Variants in PTPRD observed in about 807,000 individuals in gnomAD.
PTPRD encodes the protein protein tyrosine phosphatase receptor type D, also known as receptor-type tyrosine-protein phosphatase delta.
Under a neutral mutation model 214.5 loss-of-function variants are expected in PTPRD, and 34 were observed. The ratio of observed to expected loss-of-function variants is 0.16; its 90% CI spans 0.12 to 0.21. The LOEUF is 0.21. PTPRD is among the 10% of genes least tolerant of loss of function. The pLI is 1.00. For missense variants in PTPRD, 2,545 were observed against 2,398.7 expected (o/e 1.06, Z -1.27); for synonymous variants, 1,128 against 845.7 (o/e 1.33, Z -5.79).
intron 8 of PTPRD, among the ~76,000 whole-genome samples, chr9:9,524,475 G>A (rs1158793107): frequency 1.3e-5 from 2 of 151,930 alleles, no homozygotes; most frequent in African/African-American, 4.8e-5. Flanking sequence ...CCGTACGTTC[G>A]TGTACTCTAT....
rs1040887573 is a variant in PTPRD at position 10,296,806 on chromosome 9, A to T, written c.-545+44157T>A. ...ATGGTTTTCACTGTCATTGCTTCTG[A>T]GGTAGCAAAAATAAATATAATGACG... is the stretch of plus-strand genomic sequence containing the variant. On this transcript the variant is annotated intron_variant, in intron 3 of 45. Transcript: ENST00000381196. Among the ~76,000 whole-genome samples, 7 of 152,134 alleles carry T rather than the reference A, an allele frequency of 4.6e-5. No homozygotes were observed. The East Asian group carries it at 1.2e-3, about 25-fold the overall frequency.
At chr9:8,321,487 G>GTATATATATATATATATATATA (rs750825729) in intron 44 of PTPRD, among the ~76,000 whole-genome samples, 19 of 44,548 alleles carry the variant, frequency 4.3e-4, no homozygotes, top group Non-Finnish European at 6.2e-4. Flanking sequence ...GTGTGTGTGT[G>GTATATATATATATATATATATA]TATATATATA....
intron 11 of PTPRD, among the ~76,000 whole-genome samples, chr9:8,937,313 T>G (rs1167288332): frequency 6.6e-6 from 1 of 152,198 alleles, no homozygotes; most frequent in Non-Finnish European, 1.5e-5. Flanking sequence ...GAGAAATGTT[T>G]AATTTCACAT....
chr9:9,961,515 A>C (rs924888430), intron 4 of PTPRD, among the ~76,000 whole-genome samples: 2 of 152,154 alleles, frequency 1.3e-5, no homozygotes, highest in Admixed American at 6.6e-5. Context: ...AAATTCATTC[A>C]AGGACCGTTA....
intron 3 of PTPRD, among the ~76,000 whole-genome samples, chr9:10,071,633 A>G (rs2098019187): frequency 1.3e-5 from 2 of 152,094 alleles, no homozygotes; most frequent in African/African-American, 4.8e-5. Flanking sequence ...AAATTAACTC[A>G]AACAAGGATT....
intron 4 of PTPRD, among the ~76,000 whole-genome samples, chr9:9,956,960 C>A (rs998853032): frequency 6.6e-6 from 1 of 152,066 alleles, no homozygotes; most frequent in Non-Finnish European, 1.5e-5. Context: ...CAAAAAAAAT[C>A]AGTGCCCGTA....
intron 7 of PTPRD, among the ~76,000 whole-genome samples, chr9:9,591,428 G>C (rs1227260999): frequency 6.6e-6 from 1 of 151,942 alleles, no homozygotes; most frequent in Non-Finnish European, 1.5e-5. Flanking sequence ...CTCCAGGGAG[G>C]AACACAACAC....
intron 9 of PTPRD, among the ~76,000 whole-genome samples, chr9:9,308,459 T>C (rs142562942): frequency 3.3e-5 from 5 of 152,314 alleles, no homozygotes; most frequent in East Asian, 1.9e-4. Flanking sequence ...ATGTTACTTA[T>C]TGAAGCATCA....
intron 3 of PTPRD, among the ~76,000 whole-genome samples, chr9:10,310,449 A>C (rs1364486989): frequency 6.6e-6 from 1 of 152,098 alleles, no homozygotes; most frequent in Non-Finnish European, 1.5e-5. Context: ...ATAAAGAAGC[A>C]CAAAATCTAG....
At chr9:8,497,003 C>G (rs1331715931) in intron 26 of PTPRD, among the ~76,000 whole-genome samples, 5 of 152,134 alleles carry the variant, frequency 3.3e-5, no homozygotes, top group Non-Finnish European at 7.4e-5. Context: ...TTAGTAGCAG[C>G]CATCAAAACA....
chr9:10,204,571 C>A (rs1030085398), intron 3 of PTPRD, among the ~76,000 whole-genome samples: 13 of 152,040 alleles, frequency 8.6e-5, no homozygotes, highest in Middle Eastern at 3.4e-3. Context: ...AAGAACATAT[C>A]ATTTGTTCTG....
chr9:9,578,495 G>A (rs558122314), intron 7 of PTPRD, among the ~76,000 whole-genome samples: 95 of 151,934 alleles, frequency 6.3e-4, no homozygotes, highest in African/African-American at 2.3e-3. Context: ...GGAGGGAGAG[G>A]AAATTGAATA....
intron 9 of PTPRD, among the ~76,000 whole-genome samples, chr9:9,260,223 T>G (rs1052704725): frequency 3.9e-5 from 6 of 151,950 alleles, no homozygotes; most frequent in Admixed American, 2.6e-4. Context: ...AACACTGGGC[T>G]GAATAAAAGC....
rs142338438 is a variant in PTPRD, at chr9:9,860,050, T to C, written c.-368+78457A>G. ...TTCTCCTGCATTATTTAAAAATAAC[T>C]GTTTAGTAACATATATGCACACAAT... is the stretch of plus-strand genomic sequence containing the variant. On this transcript the variant is annotated intron_variant, in intron 5 of 45. Coordinates refer to ENST00000381196, the MANE Select transcript of PTPRD (RefSeq NM_002839.4). 2.8e-4 allele frequency among the ~76,000 whole-genome samples: 43 copies of C among 152,372 alleles called. No homozygotes were observed. The East Asian group carries it at 7.9e-3, about 28-fold the overall frequency.
chr9:8,478,136 T>C (rs1344468890), intron 30 of PTPRD, among the ~76,000 whole-genome samples: 1 of 152,224 alleles, frequency 6.6e-6, no homozygotes, highest in Non-Finnish European at 1.5e-5. Flanking sequence ...TTTACTCATA[T>C]GTAAATTAGA....
chr9:9,066,458 CTTAG>C (rs2099734517), intron 10 of PTPRD, among the ~76,000 whole-genome samples: 1 of 152,012 alleles, frequency 6.6e-6, no homozygotes, highest in South Asian at 2.1e-4. Flanking sequence ...AATAAAATTT[CTTAG>C]TTATTTAGTA....
Position 10,550,735 on chromosome 9 carries a change from G to T in PTPRD, c.-600+61663C>A, listed in dbSNP as rs1248408536. Among the ~76,000 whole-genome samples the T allele has an allele frequency of 3.3e-5, 5 of 152,138 alleles. No homozygotes were observed. In the East Asian group the frequency reaches 9.6e-4, roughly 29 times the overall value. ...ATACCCCATGATATGTGCTTCAGGT[G>T]GGATGCTGGAAAGATGCAAAGAACT... On this transcript the variant is annotated intron_variant, in intron 2 of 45. Transcript: ENST00000381196.
At position 9,167,243 on chromosome 9, in the gene PTPRD, C is replaced by G. The variant is rs557543216; in HGVS notation, c.-143+16061G>C. Among the ~76,000 whole-genome samples, 3 of 151,958 alleles carry G rather than the reference C, an allele frequency of 2.0e-5. No homozygotes were observed. In the East Asian group the frequency reaches 5.8e-4, roughly 29 times the overall value. ...TCTCTTCACAATTACCATAGTAATG[C>G]TCTTCCATTTCTTAACACTGATGTG... On this transcript the variant is annotated intron_variant, in intron 10 of 45. Transcript: ENST00000381196.
rs185156653 is a variant in PTPRD at position 9,464,964 on chromosome 9, G to A, written c.-236-67482C>T. Among the ~76,000 whole-genome samples the A allele has an allele frequency of 8.7e-4, 132 of 152,200 alleles. 1 individual carries two copies. The highest frequency in any genetic ancestry group is 3.0e-3 in the African/African-American group (123 of 41,518). On this transcript the variant is annotated intron_variant, in intron 8 of 45. Coordinates refer to ENST00000381196, the MANE Select transcript of PTPRD (RefSeq NM_002839.4). ...CATGTGCTCATTTTGCATATTTTAGGGTAGGGTTGTAAAGTACAGAATAAT... is the reference window on the plus strand; with the variant it reads ...CATGTGCTCATTTTGCATATTTTAGAGTAGGGTTGTAAAGTACAGAATAAT...
Sources: allele counts gnomAD v4.1 joint callset (sites outside exome capture counted in the v4.1 genomes callset), GRCh38; gene constraint gnomAD v4.1.1; transcripts MANE v1.5; gene names NCBI Gene and HGNC (gene_info 2026-07-23, HGNC 2026-07-21).